Variants in GDA observed in about 807,000 individuals in gnomAD.
GDA encodes guanine deaminase.
Under a neutral mutation model 59.6 loss-of-function variants are expected in GDA, and 18 were observed. That is an observed-to-expected ratio of 0.30 (90% CI 0.21 to 0.45). The LOEUF (loss-of-function observed/expected upper bound fraction) is 0.45, where lower values mean the gene tolerates loss of function less well. Among genes scored for constraint, GDA ranks in the 20% least tolerant of loss-of-function variants. GDA has a pLI of 1.00. For missense variants in GDA, 427 were observed against 552.3 expected, an observed-to-expected ratio of 0.77 and a Z score of 2.27; for synonymous variants, 201 against 201.1, an observed-to-expected ratio of 1.00 and a Z score of 0.00.
At chr9:72,229,928 T>C (rs926457900) in intron 9 of GDA, among the ~76,000 whole-genome samples, 4 of 152,186 alleles carry the variant, frequency 2.6e-5, no homozygotes, top group Admixed American at 2.0e-4. Context: ...AGTTACTTGA[T>C]AGTGGAAGGA....
chr9:72,244,123 G>A (rs1839907679), intron 11 of GDA, among the ~76,000 whole-genome samples: 1 of 151,470 alleles, frequency 6.6e-6, no homozygotes, highest in Admixed American at 6.6e-5. Context: ...CTTGCAGTGA[G>A]CTGAAATTGC....
downstream of GDA, among the ~76,000 whole-genome samples, chr9:72,253,874 C>A (rs1048564496): frequency 6.6e-6 from 1 of 152,070 alleles, no homozygotes; most frequent in Non-Finnish European, 1.5e-5. Context: ...TTAGTGGGTG[C>A]AGCACACCAG....
chr9:72,202,418 A>G (rs540802171), intron 2 of GDA, among the ~76,000 whole-genome samples, 153 bp from the exon 3 acceptor site: 1 of 152,326 alleles, frequency 6.6e-6, no homozygotes, highest in South Asian at 2.1e-4. Flanking sequence ...CCTGACCTCT[A>G]AATAATTGGA....
At chr9:72,132,170 G>A (rs1826048032) in intron 1 of GDA, among the ~76,000 whole-genome samples, 1 of 152,124 alleles carries the variant, frequency 6.6e-6, no homozygotes, top group Non-Finnish European at 1.5e-5. Flanking sequence ...ATGAGATTTG[G>A]GTGGGAACAA....
At chr9:72,213,129 A>G (rs1381876120) in intron 4 of GDA, among the ~76,000 whole-genome samples, 1 of 152,006 alleles carries the variant, frequency 6.6e-6, no homozygotes, top group Non-Finnish European at 1.5e-5. Context: ...TTAGCTGGGC[A>G]CAGTGGTGCG....
rs1407065646 is a variant in GDA, at chr9:72,143,008, A to T, written c.-100+28175A>T. ...GGTCTCGAACTCCCGACCTCAGATG[A>T]TCCACCTGCCTCGGCCTCCCAAAGT... On this transcript the variant is annotated intron_variant, in intron 1 of 13. Transcript: ENST00000545168. 4.0e-5 allele frequency among the ~76,000 whole-genome samples: 6 copies of T among 151,574 alleles called. No homozygotes were observed. In the East Asian group the frequency reaches 1.2e-3, roughly 30 times the overall value.
downstream of GDA, chr9:72,256,971 A>G (rs1276224326): frequency 6.6e-6 from 1 of 152,336 alleles, no homozygotes; most frequent in African/African-American, 2.4e-5. Flanking sequence ...TCACTGGCAG[A>G]TAACTGTTGT....
chr9:72,224,123 A>G (rs2131589010), intron 7 of GDA, among the ~76,000 whole-genome samples: 1 of 152,350 alleles, frequency 6.6e-6, no homozygotes, highest in South Asian at 2.1e-4. Flanking sequence ...TGCAAACAAA[A>G]TGCTTCTGTC....
chr9:72,230,502 ATATAT>A (rs1213418720), intron 9 of GDA, among the ~76,000 whole-genome samples: 9 of 137,434 alleles, frequency 6.5e-5, no homozygotes, highest in East Asian at 2.1e-4. Flanking sequence ...AAAAAAAAAA[ATATAT>A]ATATATATAT....
At chr9:72,215,188 AATAGT>A (rs1587681304) in intron 5 of GDA, among the ~76,000 whole-genome samples, 1 of 152,362 alleles carries the variant, frequency 6.6e-6, no homozygotes, top group East Asian at 1.9e-4. Context: ...TGTGAAATAA[AATAGT>A]ATACAAGAAG....
chr9:72,255,363 G>A (rs543978160), downstream of GDA, among the ~76,000 whole-genome samples: 1 of 152,252 alleles, frequency 6.6e-6, no homozygotes, highest in South Asian at 2.1e-4. Flanking sequence ...AGCAATGAGG[G>A]CATCTATGGA....
Position 72,250,596 on chromosome 9 carries a change from TACCA to T in GDA, c.*2255_*2258del. The T allele has an allele frequency of 6.6e-7, 1 of 1,522,200 alleles. No individual in the cohort carries two copies. The highest frequency in any genetic ancestry group is 2.4e-5 in the Admixed American group (1 of 41,948). 94.3% of individuals were successfully genotyped at this position (1,522,200 alleles called of 1,614,324 possible). A position where few individuals can be genotyped will look rare whatever the true frequency, so the allele number is the denominator to read the frequency against. ...AATGTTATGTATGCTTTTTTTTCTG[TACCA>T]CAGGCATTATCTATACCTGGGGCCA... On this transcript the variant is annotated 3_prime_UTR_variant, in exon 14 of 14. Transcript: ENST00000358399.
chr9:72,162,735 G>A (rs1447471352), intron 1 of GDA, among the ~76,000 whole-genome samples: 1 of 151,660 alleles, frequency 6.6e-6, no homozygotes, highest in Non-Finnish European at 1.5e-5. Flanking sequence ...TCGGCTTACT[G>A]CAAGCTCCGC....
chr9:72,164,914 C>T (rs979164685), intron 1 of GDA, among the ~76,000 whole-genome samples: 12 of 148,166 alleles, frequency 8.1e-5, no homozygotes, highest in South Asian at 2.1e-4. Context: ...GGCGTGAAAC[C>T]GGGAGGCGGA....
chr9:72,185,867 A>T (rs1470600489), intron 1 of GDA, among the ~76,000 whole-genome samples: 2 of 152,136 alleles, frequency 1.3e-5, no homozygotes, highest in Non-Finnish European at 2.9e-5. Context: ...CTCATCCTAA[A>T]TAGTCCCAGT....
chr9:72,208,275 C>G (rs2131404401), intron 3 of GDA, among the ~76,000 whole-genome samples: 1 of 152,240 alleles, frequency 6.6e-6, no homozygotes, highest in African/African-American at 2.4e-5. Context: ...TGTTTTTTCA[C>G]AAAGGAGGAA....
intron 1 of GDA, among the ~76,000 whole-genome samples, chr9:72,164,724 C>T (rs1336215025): frequency 6.6e-6 from 1 of 151,300 alleles, no homozygotes; most frequent in African/African-American, 2.4e-5. Context: ...TGGCTCACGC[C>T]TGTAATCCCA....
intron 3 of GDA, among the ~76,000 whole-genome samples, chr9:72,203,658 C>T (rs1382599944): frequency 1.3e-5 from 2 of 152,136 alleles, no homozygotes; most frequent in East Asian, 1.9e-4. Flanking sequence ...TCTGAACACT[C>T]ATGGATTTTT....
intron 8 of GDA, among the ~76,000 whole-genome samples, chr9:72,226,387 G>GA (rs1707155601): frequency 6.6e-6 from 1 of 152,106 alleles, no homozygotes; most frequent in Admixed American, 6.5e-5. Flanking sequence ...TGCTTACTTA[G>GA]AAAAAAACTG....
Sources: gnomAD v4.1 joint callset for allele counts (sites outside exome capture counted in the v4.1 genomes callset) on GRCh38, gnomAD v4.1.1 for gene constraint, MANE v1.5 for transcripts, NCBI Gene and HGNC (gene_info 2026-07-23, HGNC 2026-07-21) for gene names.